Variants in TVP23A observed in about 807,000 individuals in gnomAD.
TVP23A encodes the protein Golgi apparatus membrane protein TVP23 homolog A.
TVP23A carries 21 observed loss-of-function variants against 31.7 expected under a neutral mutation model. That is an observed-to-expected ratio of 0.66 (90% CI 0.47 to 0.95). The LOEUF (loss-of-function observed/expected upper bound fraction) is 0.95. Ranked by LOEUF, TVP23A falls within the 40% of genes least tolerant of loss-of-function variation. The pLI is 0.00. For missense variants in TVP23A, 279 were observed against 255.6 expected, an observed-to-expected ratio of 1.09 and a Z score of -0.62; for synonymous variants, 104 against 96.0, an observed-to-expected ratio of 1.08 and a Z score of -0.49.
intron 2 of TVP23A, among the ~76,000 whole-genome samples, chr16:10,789,152 A>C (rs954918641): frequency 1.3e-5 from 2 of 152,164 alleles, no homozygotes; most frequent in Non-Finnish European, 2.9e-5. Flanking sequence ...TATATCACAG[A>C]TGATGCCCTC....
At position 10,770,574 on chromosome 16, in the gene TVP23A, AAAAC is replaced by A. The variant is rs1353872653; in HGVS notation, c.583-247_583-244del. On this transcript the variant is annotated intron_variant, in intron 6 of 7. Coordinates refer to ENST00000299866, the MANE Select transcript of TVP23A (RefSeq NM_001079512.4). ...GAAATATCTATTAAGTTAAAAAAAAAAAACAAAACAAAAACAAGCTGGGCACGGT... is the reference window on the plus strand; with the variant it reads ...GAAATATCTATTAAGTTAAAAAAAAAAAAACAAAAACAAGCTGGGCACGGT... Among the ~76,000 whole-genome samples the A allele has an allele frequency of 3.3e-3, 502 of 151,112 alleles. 2 individuals are homozygous for A. Among genetic ancestry groups the A allele is most frequent in the Non-Finnish European group, 5.8e-3 (392 of 67,674 alleles).
chr16:10,797,642 C>A (rs1210533891), intron 2 of TVP23A, among the ~76,000 whole-genome samples: 1 of 151,854 alleles, frequency 6.6e-6, no homozygotes, highest in Non-Finnish European at 1.5e-5. Context: ...GAGGATTGAA[C>A]CTGGGTGGTG....
rs1369939773 is a variant in TVP23A at position 10,771,680 on chromosome 16, ACTGT to A, written c.568_571del (p.Thr190CysfsTer26). The A allele has an allele frequency of 2.5e-6, 4 of 1,613,874 alleles. No individual in the cohort carries two copies. The South Asian group carries it at 3.3e-5, about 13-fold the overall frequency. ...ACCTCAGTTACTCACCGTCTGGAAC[ACTGT>A]CTGGGACAGGAAACTGGCTGTGACC... On this transcript the variant is annotated frameshift_variant, in exon 6 of 8. Transcript: ENST00000299866. LOFTEE classifies it high-confidence loss of function.
chr16:10,818,311 C>T lies in TVP23A; in HGVS notation c.10-129G>A. The T allele has an allele frequency of 7.8e-7, 1 of 1,282,090 alleles. No homozygotes were observed. Among genetic ancestry groups the T allele is most frequent in the African/African-American group, 1.5e-5 (1 of 67,438 alleles). The allele number at this position is 1,282,090 out of a possible 1,614,324, so 79.4% of individuals were successfully genotyped here. ...TTCCCAAGTGGACCCTCCGAGCTGG[C>T]GGGGCCCCTCCGCTGCGGCTGCAGT... On this transcript the variant is annotated intron_variant, in intron 1 of 7. Coordinates refer to ENST00000299866, the MANE Select transcript of TVP23A (RefSeq NM_001079512.4). The surrounding 1 kb of genome is among the most constrained non-coding windows in gnomAD (Gnocchi z 4.7).
In TVP23A at chr16:10,768,067, T is replaced by C; in HGVS notation, c.*1035A>G. The C allele has an allele frequency of 1.9e-6, 3 of 1,596,154 alleles. No individual in the cohort carries two copies. The East Asian group carries it at 6.7e-5, about 36-fold the overall frequency. ...TCCATGAGTACTAAATGCAGATGCC[T>C]GTGGGGCAGGAAGCAACATAAAGGA... On this transcript the variant is annotated 3_prime_UTR_variant, in exon 8 of 8. Coordinates refer to ENST00000299866, the MANE Select transcript of TVP23A (RefSeq NM_001079512.4). The surrounding 1 kb of genome is among the most constrained non-coding windows in gnomAD (Gnocchi z 4.3).
At chr16:10,799,630 G>T (rs182087662) in intron 2 of TVP23A, among the ~76,000 whole-genome samples, 3 of 152,188 alleles carry the variant, frequency 2.0e-5, no homozygotes, top group Non-Finnish European at 4.4e-5. Flanking sequence ...CTACATGCCC[G>T]GCCTGTTGAA....
At chr16:10,769,617 T>TA (rs1457964887) in intron 7 of TVP23A, 2 of 159,540 alleles carry the variant, frequency 1.3e-5, no homozygotes, top group Non-Finnish European at 2.7e-5. Context: ...GGCTTCGTTC[T>TA]AAAATCACTG....
Position 10,771,694 on chromosome 16 carries a change from G to C in TVP23A, c.558C>G (p.Phe186Leu). The C allele has an allele frequency of 6.2e-7, 1 of 1,613,800 alleles. No individual in the cohort carries two copies. Among genetic ancestry groups the C allele is most frequent in the Non-Finnish European group, 8.5e-7 (1 of 1,179,834 alleles). The change falls in exon 6 of 8, where the codon TTC (phenylalanine) becomes TTG (leucine). Residue 186 changes from phenylalanine (F) to leucine (L), a missense_variant. Physicochemically the swap from Phe to Leu is conservative, Grantham distance 22. Transcript: ENST00000299866. ...NSDIGKVTAS[F>L]LSQTVFQTAC... The stretch of plus-strand genomic sequence containing the variant: ...CCGTCTGGAACACTGTCTGGGACAG[G>C]AAACTGGCTGTGACCTTGCCAATGT...
Position 10,775,058 on chromosome 16 carries a change from A to T in TVP23A, c.128T>A (p.Val43Glu), listed in dbSNP as rs752033036. The T allele has an allele frequency of 6.2e-7, 1 of 1,611,108 alleles. No individual in the cohort carries two copies. The highest frequency in any genetic ancestry group is 1.3e-5 in the African/African-American group (1 of 74,950). ...LATFFHLFFR[V>E]SAIVTYVSCD... The stretch of plus-strand genomic sequence containing the variant: ...GCTCACGTAGGTGACGATGGCACTC[A>T]CTCGGAAAAACAGGTGGAAAAAGGT... The change falls in exon 3 of 8, where the codon GTG (valine) becomes GAG (glutamate). Residue 43 changes from valine (V) to glutamate (E), a missense_variant. By Grantham distance (121) the Val-to-Glu change is moderately radical. Transcript: ENST00000299866.
chr16:10,759,016 C>A (rs752436591), downstream of TVP23A, among the ~76,000 whole-genome samples: 1 of 152,174 alleles, frequency 6.6e-6, no homozygotes. This position sits in a 1 kb window ranked among gnomAD's most constrained non-coding sequence, Gnocchi z 4.7. Context: ...TCCACAGTTA[C>A]GCCTGACTTC....
At chr16:10,798,944 G>C (rs200133259) in intron 2 of TVP23A, among the ~76,000 whole-genome samples, 1 of 152,324 alleles carries the variant, frequency 6.6e-6, no homozygotes, top group South Asian at 2.1e-4. Flanking sequence ...TTACAGGTGT[G>C]AGCCACCAAG....
intron 2 of TVP23A, among the ~76,000 whole-genome samples, chr16:10,784,773 C>G (rs1347382843): frequency 6.6e-6 from 1 of 152,032 alleles, no homozygotes; most frequent in Non-Finnish European, 1.5e-5. Context: ...GAACTTTCTC[C>G]TCAAACTTTG....
intron 4 of TVP23A, 62 bp from the exon 5 acceptor site, chr16:10,773,503 C>A: frequency 6.6e-7 from 1 of 1,514,508 alleles, no homozygotes; most frequent in Non-Finnish European, 8.9e-7. Flanking sequence ...CGAGCGTGCT[C>A]ACATTTTCAT....
intron 2 of TVP23A, among the ~76,000 whole-genome samples, chr16:10,797,535 A>C (rs530438974): frequency 6.7e-6 from 1 of 148,858 alleles, no homozygotes; most frequent in African/African-American, 2.6e-5. Context: ...CTAGGTAACA[A>C]GGAAGAAACT....
At chr16:10,795,376 G>A (rs1408199075) in intron 2 of TVP23A, among the ~76,000 whole-genome samples, 3 of 151,540 alleles carry the variant, frequency 2.0e-5, no homozygotes, top group East Asian at 1.9e-4. Flanking sequence ...TCAGCCTCCC[G>A]AGTAGCTGGG....
chr16:10,757,832 G>T, downstream of TVP23A: 2 of 1,595,016 alleles, frequency 1.3e-6, no homozygotes, highest in Non-Finnish European at 1.7e-6. The surrounding 1 kb of genome is among the most constrained non-coding windows in gnomAD (Gnocchi z 4.1). Flanking sequence ...GTACAGAAAA[G>T]AAAGGAAAAG....
Position 10,775,026 on chromosome 16 carries a change from A to C in TVP23A, c.160T>G (p.Trp54Gly). 5.0e-6 allele frequency: 8 copies of C among 1,612,650 alleles called. No individual in the cohort carries two copies. The highest frequency in any genetic ancestry group is 6.8e-6 in the Non-Finnish European group (8 of 1,179,288). Residue 54 changes from tryptophan (W) to glycine (G), a missense_variant, in exon 3 of 8, where the codon TGG (tryptophan) becomes GGG (glycine). By Grantham distance (184) the Trp-to-Gly change is radical (BLOSUM62 -2). Coordinates refer to ENST00000299866, the MANE Select transcript of TVP23A (RefSeq NM_001079512.4). Reference protein sequence around the residue: ...SAIVTYVSCDWFSKSFVGCFV... With the variant: ...SAIVTYVSCDGFSKSFVGCFV... ...CAGCCCACAAAGCTCTTGCTGAACC[A>C]GTCGCAGCTCACGTAGGTGACGATG...
chr16:10,817,346 C>T (rs2034489310), intron 2 of TVP23A, among the ~76,000 whole-genome samples: 1 of 152,184 alleles, frequency 6.6e-6, no homozygotes, highest in African/African-American at 2.4e-5. Flanking sequence ...ATTTGGGTGC[C>T]AGGGCTCGTC....
intron 2 of TVP23A, among the ~76,000 whole-genome samples, chr16:10,786,737 TGGTGATGACTGGGGATGGGCATTGGGAAC>T (rs1298383437): frequency 5.4e-5 from 8 of 149,272 alleles, no homozygotes; most frequent in African/African-American, 1.5e-4. Context: ...ATTGGGAACC[TGGTGATGACTGGGGATGGGCATTGGGAAC>T]GTCAGGTTCA....
Sources: allele counts gnomAD v4.1 joint callset (sites outside exome capture counted in the v4.1 genomes callset), GRCh38; gene constraint gnomAD v4.1.1; non-coding constraint Gnocchi (gnomAD v3.1); transcripts MANE v1.5; gene names NCBI Gene and HGNC (gene_info 2026-07-23, HGNC 2026-07-21).